Variants in NAE1 observed in about 807,000 individuals in gnomAD.
NAE1 encodes the protein NEDD8 activating enzyme E1 subunit 1, also known as NEDD8-activating enzyme E1 regulatory subunit.
In NAE1, 59 loss-of-function variants were observed where a neutral mutation model predicts 88.0. That is an observed-to-expected ratio of 0.67 (90% CI 0.54 to 0.83). The LOEUF (loss-of-function observed/expected upper bound fraction) is 0.83. Ranked by LOEUF, NAE1 falls within the 40% of genes least tolerant of loss-of-function variation. The probability of loss-of-function intolerance (pLI) is 0.00; values close to 1 mark genes in which losing one functional copy is unlikely to be tolerated. For synonymous variants in NAE1, 186 were observed against 208.9 expected (o/e 0.89, Z 0.95); for missense variants, 554 against 632.8 (o/e 0.88, Z 1.34).
chr16:66,811,084 G>T (rs1959779781), intron 13 of NAE1, among the ~76,000 whole-genome samples: 1 of 152,114 alleles, frequency 6.6e-6, no homozygotes, highest in African/African-American at 2.4e-5. Context: ...ATACATTACT[G>T]AAGAACATGA....
At chr16:66,818,283 T>A (rs1373573449) in intron 8 of NAE1, among the ~76,000 whole-genome samples, 1 of 152,196 alleles carries the variant, frequency 6.6e-6, no homozygotes, top group Non-Finnish European at 1.5e-5. Context: ...TAATGTCCAA[T>A]TTCTTGACCT....
chr16:66,823,144 T>C, intron 6 of NAE1, 83 bp downstream of exon 6: 1 of 539,548 alleles, frequency 1.9e-6, no homozygotes, highest in Non-Finnish European at 2.9e-6. Context: ...TTTAAAACCA[T>C]ATCATCATAG....
rs1381221406 is a variant in NAE1 at position 66,823,590 on chromosome 16, T to G, written c.260A>C (p.Glu87Ala). Residue 87 changes from glutamate (E) to alanine (A), a missense_variant, in exon 5 of 20, where the codon GAA (glutamate) becomes GCA (alanine). Transcript: ENST00000290810. Reference protein sequence around the residue: ...QRSSIGKNRAEAAMEFLQELN... With the variant: ...QRSSIGKNRAAAAMEFLQELN... ...TTCTTGTAAGAATTCCATGGCAGCT[T>G]CAGCTCGGTTCTTTTTAAAAACAAA... 1 of 1,589,830 alleles carries G rather than the reference T, an allele frequency of 6.3e-7. No homozygotes were observed. The highest frequency in any genetic ancestry group is 8.5e-7 in the Non-Finnish European group (1 of 1,174,008).
At chr16:66,810,610 G>A (rs891557446) in intron 14 of NAE1, 87 bp downstream of exon 14, 19 of 1,235,504 alleles carry the variant, frequency 1.5e-5, no homozygotes, top group Non-Finnish European at 1.9e-5. Flanking sequence ...AAGCACAGAG[G>A]CAGTGCCACA....
At chr16:66,807,339 T>C (rs1959605041) in intron 17 of NAE1, among the ~76,000 whole-genome samples, 1 of 152,212 alleles carries the variant, frequency 6.6e-6, no homozygotes, top group Middle Eastern at 3.2e-3. Flanking sequence ...GTAAGCTTGC[T>C]TGTTAGGACT....
chr16:66,823,033 G>A lies in NAE1; in HGVS notation c.401+194C>T, dbSNP rs187762638. ...TGTAATCCCAACACTTTGGGAGGCC[G>A]AGGAGGGTGCATTGCTTGAGCTCAG... On this transcript the variant is annotated intron_variant, in intron 6 of 19. Coordinates refer to ENST00000290810, the MANE Select transcript of NAE1 (RefSeq NM_003905.4). Among the ~76,000 whole-genome samples, 651 of 141,370 alleles carry A rather than the reference G, an allele frequency of 4.6e-3. 4 individuals carry two copies. The highest frequency in any genetic ancestry group is 7.1e-3 in the Non-Finnish European group (469 of 66,374). The allele number at this position is 141,370 out of a possible 152,430, so 92.7% of individuals were successfully genotyped here. A position where few individuals can be genotyped will look rare whatever the true frequency, so the allele number is the denominator to read the frequency against.
At chr16:66,824,682 C>T (rs1277069804) in intron 4 of NAE1, 173 bp downstream of exon 4, 2 of 550,596 alleles carry the variant, frequency 3.6e-6, no homozygotes, top group African/African-American at 1.9e-5. Flanking sequence ...ACAGACAGTA[C>T]ACCTCTAAGT....
chr16:66,806,024 C>A lies in NAE1; in HGVS notation c.1333G>T (p.Val445Leu), dbSNP rs1479738022. 1.2e-6 allele frequency: 2 copies of A among 1,600,092 alleles called. No individual in the cohort carries two copies. Among genetic ancestry groups the A allele is most frequent in the African/African-American group, 2.7e-5 (2 of 74,098 alleles). ...FHKQQGRYPG[V>L]SNYQVEEDIG... ...TCTTCTTCAACTTGATAGTTAGATA[C>A]TCCTAAAAATAAAAGTTAGTTTTCA... The change falls in exon 18 of 20, where the codon GTA becomes TTA. Residue 445 changes from valine (V) to leucine (L), a missense_variant and splice_region_variant. Physicochemically the swap from Val to Leu is conservative, Grantham distance 32. Transcript: ENST00000290810.
chr16:66,804,995 A>G (rs940231693), intron 19 of NAE1, among the ~76,000 whole-genome samples: 4 of 152,194 alleles, frequency 2.6e-5, no homozygotes, highest in Admixed American at 6.5e-5. Flanking sequence ...ACTGACTAAG[A>G]CAAGGGGGAA....
At chr16:66,818,467 C>T in intron 8 of NAE1, 61 bp downstream of exon 8, 1 of 1,317,170 alleles carries the variant, frequency 7.6e-7, no homozygotes, top group Non-Finnish European at 1.0e-6. Flanking sequence ...AATTCAAAAA[C>T]CTTAGGTTAA....
chr16:66,818,169 A>T (rs1312109880), intron 8 of NAE1, among the ~76,000 whole-genome samples: 2 of 152,142 alleles, frequency 1.3e-5, no homozygotes, highest in Non-Finnish European at 2.9e-5. Flanking sequence ...GTTATTACTA[A>T]CTATAGTCAC....
At chr16:66,824,605 T>G (rs1421791365) in intron 4 of NAE1, 1 of 289,510 alleles carries the variant, frequency 3.5e-6, no homozygotes, top group African/African-American at 2.2e-5. Flanking sequence ...AAAAAAAAAT[T>G]TGTTAACCAG....
intron 7 of NAE1, among the ~76,000 whole-genome samples, chr16:66,819,695 T>C (rs1421476242): frequency 1.3e-5 from 2 of 152,238 alleles, no homozygotes; most frequent in Admixed American, 6.5e-5. Context: ...TTGAATATTA[T>C]GTCAGTTCTC....
At chr16:66,828,932 G>C (rs1415981979) in intron 1 of NAE1, among the ~76,000 whole-genome samples, 1 of 150,328 alleles carries the variant, frequency 6.7e-6, no homozygotes, top group Non-Finnish European at 1.5e-5. Flanking sequence ...CAGTGTTCTT[G>C]CCACTGCACT....
intron 17 of NAE1, 128 bp from the exon 18 acceptor site, chr16:66,806,154 G>T: frequency 9.0e-7 from 1 of 1,107,724 alleles, no homozygotes; most frequent in Non-Finnish European, 1.2e-6. Context: ...AAATAACAAA[G>T]TATGAGACCA....
At chr16:66,828,054 C>G in intron 1 of NAE1, 1 of 1,613,562 alleles carries the variant, frequency 6.2e-7, no homozygotes, top group Non-Finnish European at 8.5e-7. Flanking sequence ...GCCCAGACAG[C>G]TGTCAAATGT....
intron 1 of NAE1, chr16:66,827,894 C>A: frequency 1.7e-6 from 2 of 1,181,598 alleles, no homozygotes; most frequent in Non-Finnish European, 1.2e-6. Context: ...CTATGTTATC[C>A]AGACTGGTCT....
At chr16:66,822,438 GC>G (rs1477777792) in intron 6 of NAE1, among the ~76,000 whole-genome samples, 1 of 151,870 alleles carries the variant, frequency 6.6e-6, no homozygotes, top group Admixed American at 6.6e-5. Flanking sequence ...GGGCACGGTG[GC>G]ACATGCCTAT....
At chr16:66,803,258 AGTCAT>A in intron 19 of NAE1, 140 bp from the exon 20 acceptor site, 1 of 611,402 alleles carries the variant, frequency 1.6e-6, no homozygotes, top group Non-Finnish European at 2.9e-6. Flanking sequence ...TAGCTTACTG[AGTCAT>A]ATCAACATAA....
Sources: allele counts gnomAD v4.1 joint callset (sites outside exome capture counted in the v4.1 genomes callset), GRCh38; gene constraint gnomAD v4.1.1; transcripts MANE v1.5; gene names NCBI Gene and HGNC (gene_info 2026-07-23, HGNC 2026-07-21).